The following KIF5B variants were observed in gnomAD, a reference collection of about 807,000 sequenced individuals.
The protein encoded by KIF5B is kinesin family member 5B, also known as kinesin-1 heavy chain.
KIF5B carries 49 observed loss-of-function variants against 132.8 expected under a neutral mutation model. The ratio of observed to expected loss-of-function variants is 0.37; its 90% CI spans 0.29 to 0.47. The LOEUF (loss-of-function observed/expected upper bound fraction) is 0.47, where lower values mean the gene tolerates loss of function less well. KIF5B is among the 20% of genes least tolerant of loss of function. The pLI is 1.00. For synonymous variants in KIF5B, 355 were observed against 369.4 expected (o/e 0.96, Z 0.45); for missense variants, 780 against 1,144.0 (o/e 0.68, Z 4.59).
chr10:32,056,002 G>A lies in KIF5B; in HGVS notation c.-29C>T. On this transcript the variant is annotated 5_prime_UTR_variant, in exon 1 of 26. Transcript: ENST00000302418. ...TCTCGCAGCCGGGGCCGGCGGCCGG[G>A]AGCCACTCCCCGCCGCTCAGTCTTG... The A allele has an allele frequency of 6.3e-7, 1 of 1,599,420 alleles. No individual in the cohort carries two copies. The highest frequency in any genetic ancestry group is 8.5e-7 in the Non-Finnish European group (1 of 1,179,482).
rs568351179 is a variant in KIF5B at position 32,038,107 on chromosome 10, C to T, written c.498+56G>A. 1.4e-3 allele frequency: 1,423 copies of T among 1,024,934 alleles called. 1 individual carries two copies. Among genetic ancestry groups the T allele is most frequent in the Non-Finnish European group, 1.8e-3 (1,273 of 690,132 alleles). The allele number at this position is 1,024,934 out of a possible 1,614,324, so 63.5% of individuals were successfully genotyped here. A position where few individuals can be genotyped will look rare whatever the true frequency, so the allele number is the denominator to read the frequency against. The stretch of plus-strand genomic sequence containing the variant: ...CCTGGGCGACAGAGTGAGACTCTGT[C>T]TTAAAAAAAAAAAAAAAGTATTACA... On this transcript the variant is annotated intron_variant, in intron 6 of 25. Transcript: ENST00000302418.
In KIF5B at chr10:32,021,053, C is replaced by T; in HGVS notation, c.2173G>A (p.Ala725Thr). ...QISSLRDEVEAKAKLITDLQD... is the reference protein window; with the variant it reads ...QISSLRDEVETKAKLITDLQD... ...AGATCAGTAATAAGTTTTGCTTTTG[C>T]TTCTACTTCATCTCTCAAACTACTG... The change falls in exon 19 of 26, where the codon GCA becomes ACA. Residue 725 changes from alanine to threonine, a missense_variant. By Grantham distance (58) the Ala-to-Thr change is moderately conservative. This residue lies in a region of KIF5B where 471 missense variants were observed against 569.9 expected (regional missense o/e 0.83). Coordinates refer to ENST00000302418, the MANE Select transcript of KIF5B (RefSeq NM_004521.3). The T allele has an allele frequency of 6.2e-7, 1 of 1,611,878 alleles. No individual in the cohort carries two copies. Among genetic ancestry groups the T allele is most frequent in the South Asian group, 1.1e-5 (1 of 91,014 alleles).
At chr10:32,018,715 T>C (rs955918214) in intron 20 of KIF5B, among the ~76,000 whole-genome samples, 153 bp from the exon 21 acceptor site, 16 of 149,710 alleles carry the variant, frequency 1.1e-4, no homozygotes, top group African/African-American at 2.9e-4. Flanking sequence ...ACCTGTGCTG[T>C]CTTTCAAAAA....
chr10:32,018,917 A>C (rs186258156), intron 20 of KIF5B, among the ~76,000 whole-genome samples: 1 of 152,094 alleles, frequency 6.6e-6, no homozygotes, highest in African/African-American at 2.4e-5. Context: ...GCTGATTCTC[A>C]AACACTGGGC....
At chr10:32,022,634 C>T (rs946380646) in intron 16 of KIF5B, among the ~76,000 whole-genome samples, 1 of 152,140 alleles carries the variant, frequency 6.6e-6, no homozygotes, top group Non-Finnish European at 1.5e-5. Context: ...AAGTTACCAC[C>T]AGTCACATCA....
At position 32,034,526 on chromosome 10, in the gene KIF5B, T is replaced by G. The variant is rs190903285; in HGVS notation, c.1111+164A>C. On this transcript the variant is annotated intron_variant, in intron 11 of 25. Transcript: ENST00000302418. ...ATGGTCTCTTGCATTTTGCTCATTT[T>G]ATTTTTCAGCTCCAGGATTTCTATT... Among the ~76,000 whole-genome samples, 6 of 152,348 alleles carry G rather than the reference T, an allele frequency of 3.9e-5. No homozygotes were observed. The East Asian group carries it at 1.2e-3, about 29-fold the overall frequency.
Position 32,028,485 on chromosome 10 carries a change from T to C in KIF5B, c.1668A>G (p.Ala556=). The C allele has an allele frequency of 1.2e-6, 2 of 1,613,574 alleles. No individual in the cohort carries two copies. The highest frequency in any genetic ancestry group is 2.2e-5 in the East Asian group (1 of 44,866). Residue 556 remains alanine, a synonymous_variant, in exon 15 of 26, where the codon GCA becomes GCG. Coordinates refer to ENST00000302418, the MANE Select transcript of KIF5B (RefSeq NM_004521.3). ...HQKKRAAEMM[A]SLLKDLAEIG... ...TTTCTGCAAGGTCTTTTAGTAAAGA[T>C]GCCATCATCTCAGCTGCTCGTTTTT...
intron 2 of KIF5B, among the ~76,000 whole-genome samples, chr10:32,047,948 TAA>T (rs1417106243): frequency 2.6e-5 from 4 of 152,226 alleles, no homozygotes; most frequent in African/African-American, 7.2e-5. Context: ...TTAGAATATA[TAA>T]AGTTATAAAT....
chr10:32,027,001 G>T (rs1035071512), intron 15 of KIF5B, among the ~76,000 whole-genome samples: 1 of 151,922 alleles, frequency 6.6e-6, no homozygotes, highest in African/African-American at 2.4e-5. Flanking sequence ...TTATTTTGTT[G>T]ATTTTATCTT....
rs778937723 is a variant in KIF5B at position 32,055,990 on chromosome 10, G to A, written c.-17C>T. 3 of 1,598,662 alleles carry A rather than the reference G, an allele frequency of 1.9e-6. No individual in the cohort carries two copies. Among genetic ancestry groups the A allele is most frequent in the South Asian group, 2.2e-5 (2 of 90,966 alleles). On this transcript the variant is annotated 5_prime_UTR_variant, in exon 1 of 26. Coordinates refer to ENST00000302418, the MANE Select transcript of KIF5B (RefSeq NM_004521.3). Reference sequence around the variant, plus strand: ...GTCCGCCATCTTTCTCGCAGCCGGGGCCGGCGGCCGGGAGCCACTCCCCGC... The same window carrying A: ...GTCCGCCATCTTTCTCGCAGCCGGGACCGGCGGCCGGGAGCCACTCCCCGC...
In KIF5B at chr10:32,037,701, C is replaced by T. The variant is rs562249389; in HGVS notation, c.499-94G>A. The T allele has an allele frequency of 3.9e-5, 34 of 865,810 alleles. No individual in the cohort carries two copies. In the African/African-American group the frequency reaches 4.2e-4, roughly 11 times the overall value. 53.6% of individuals were successfully genotyped at this position (865,810 alleles called of 1,614,324 possible). ...CACAAAAATTAGCCGGGCGCGGTGG[C>T]GGGTGCCTGTAATCCTAGCTACTTG... On this transcript the variant is annotated intron_variant, in intron 6 of 25. Coordinates refer to ENST00000302418, the MANE Select transcript of KIF5B (RefSeq NM_004521.3).
chr10:32,054,456 GGA>G (rs1158232379), intron 1 of KIF5B, among the ~76,000 whole-genome samples: 1 of 152,172 alleles, frequency 6.6e-6, no homozygotes, highest in Non-Finnish European at 1.5e-5. Flanking sequence ...GGCCTACCAA[GGA>G]GCTAAGACAA....
chr10:32,042,352 T>C (rs1391959150), intron 2 of KIF5B, among the ~76,000 whole-genome samples: 1 of 152,232 alleles, frequency 6.6e-6, no homozygotes, highest in Non-Finnish European at 1.5e-5. Flanking sequence ...AAAATCTTTT[T>C]ATTTTTGAGA....
At chr10:32,019,642 T>C (rs570029531) in intron 20 of KIF5B, among the ~76,000 whole-genome samples, 59 of 152,324 alleles carry the variant, frequency 3.9e-4, no homozygotes, top group African/African-American at 1.4e-3. Context: ...AACCTTAATC[T>C]TAACCACAAT....
At chr10:32,041,924 C>T (rs1841545608) in intron 2 of KIF5B, among the ~76,000 whole-genome samples, 1 of 152,196 alleles carries the variant, frequency 6.6e-6, no homozygotes, top group African/African-American at 2.4e-5. Flanking sequence ...GCCCCTGCAC[C>T]TGACCCTCCT....
rs1186272393 is a variant in KIF5B, at chr10:32,034,686, T to C, written c.1111+4A>G. On this transcript the variant is annotated splice_donor_region_variant and intron_variant, in intron 11 of 25. Transcript: ENST00000302418. ...CTGAAGATGACAAATTCTTAAGTTATTACCATTACGCCATCTGTTGAGCTC... is the reference window on the plus strand; with the variant it reads ...CTGAAGATGACAAATTCTTAAGTTACTACCATTACGCCATCTGTTGAGCTC... The C allele has an allele frequency of 1.9e-6, 3 of 1,561,052 alleles. No homozygotes were observed. Among genetic ancestry groups the C allele is most frequent in the South Asian group, 1.2e-5 (1 of 81,348 alleles).
At chr10:32,016,236 C>T (rs1227947149) in intron 24 of KIF5B, among the ~76,000 whole-genome samples, 1 of 152,044 alleles carries the variant, frequency 6.6e-6, no homozygotes, top group Non-Finnish European at 1.5e-5. Context: ...GCAGGTGGAT[C>T]ATCTGAGGTC....
Position 32,037,527 on chromosome 10 carries a change from T to C in KIF5B, c.579A>G (p.Ala193=), listed in dbSNP as rs1351647534. Residue 193 remains alanine, a synonymous_variant, in exon 7 of 26, where the codon GCA becomes GCG. Transcript: ENST00000302418. The stretch of plus-strand genomic sequence containing the variant: ...GTGTTATTTTCTACTTACTTGTAAC[T>C]GCTACATGTCTGTTGGATTTTCCTT... ...IDEGKSNRHV[A]VTNMNEHSSR... The C allele has an allele frequency of 6.2e-7, 1 of 1,609,974 alleles. No homozygotes were observed.
rs771240465 is a variant in KIF5B at position 32,037,337 on chromosome 10, T to G, written c.628A>C (p.Ile210Leu). The change falls in exon 8 of 26, where the codon ATT becomes CTT. Residue 210 changes from isoleucine to leucine, a missense_variant. By Grantham distance (5) the Ile-to-Leu change is conservative. Transcript: ENST00000302418. ...TGTGTGTTCTCTTGTTTGACATTAA[T>G]AAGAAATATACTGTGACTCCTAGAG... ...HSSRSHSIFL[I>L]NVKQENTQTE... is the part of the protein sequence containing the mutation. 1 of 1,612,818 alleles carries G rather than the reference T, an allele frequency of 6.2e-7. No individual in the cohort carries two copies. The highest frequency in any genetic ancestry group is 1.7e-5 in the Admixed American group (1 of 60,010).
Sources: gnomAD v4.1 joint callset for allele counts (sites outside exome capture counted in the v4.1 genomes callset) on GRCh38, gnomAD v4.1.1 for gene constraint, gnomAD v4.1.1 regional missense constraint, MANE v1.5 for transcripts, NCBI Gene and HGNC (gene_info 2026-07-23, HGNC 2026-07-21) for gene names.